PCSK2: variants seen among roughly 807,000 people sequenced by gnomAD.
PCSK2 encodes proprotein convertase subtilisin/kexin type 2.
Under a neutral mutation model 69.7 loss-of-function variants are expected in PCSK2, and 14 were observed. The observed-to-expected ratio is 0.20, with a 90% CI of 0.13 to 0.31. The LOEUF (loss-of-function observed/expected upper bound fraction) is 0.31. Ranked by LOEUF, PCSK2 falls within the 10% of genes least tolerant of loss-of-function variation. The pLI is 1.00. For missense variants in PCSK2, 544 were observed against 842.5 expected, an observed-to-expected ratio of 0.65 and a Z score of 4.39; for synonymous variants, 307 against 320.7, an observed-to-expected ratio of 0.96 and a Z score of 0.46.
intron 2 of PCSK2, among the ~76,000 whole-genome samples, chr20:17,323,980 G>C (rs1468787214): frequency 1.3e-5 from 2 of 152,218 alleles, no homozygotes; most frequent in Non-Finnish European, 1.5e-5. Context: ...CTCCCCACCA[G>C]AGAAGCCCTC....
intron 1 of PCSK2, among the ~76,000 whole-genome samples, chr20:17,248,174 GGGTGTGTGTGT>G: frequency 1.2e-5 from 1 of 83,234 alleles, no homozygotes; most frequent in African/African-American, 4.4e-5. Flanking sequence ...ATATAAAAAA[GGGTGTGTGTGT>G]GTGTGTGTGT....
intron 11 of PCSK2, among the ~76,000 whole-genome samples, chr20:17,468,457 CGTCCTGCTGT>C (rs2033144835): frequency 3.4e-5 from 5 of 146,380 alleles, no homozygotes; most frequent in Admixed American, 6.8e-5. Flanking sequence ...CACGGGCCAG[CGTCCTGCTGT>C]AGACAGGCAG....
At chr20:17,276,913 A>T (rs1988101340) in intron 2 of PCSK2, among the ~76,000 whole-genome samples, 1 of 152,186 alleles carries the variant, frequency 6.6e-6, no homozygotes, top group Admixed American at 6.5e-5. Context: ...AAGCGTTCTT[A>T]TACACCAACA....
At chr20:17,410,079 C>T (rs1052777352) in intron 6 of PCSK2, among the ~76,000 whole-genome samples, 2 of 151,958 alleles carry the variant, frequency 1.3e-5, no homozygotes, top group African/African-American at 2.4e-5. Context: ...AACATATGAA[C>T]TTCAATTAGT....
Position 17,227,086 on chromosome 20 carries a change from C to T in PCSK2, c.-220C>T. On this transcript the variant is annotated 5_prime_UTR_variant, in exon 1 of 12. Coordinates refer to ENST00000262545, the MANE Select transcript of PCSK2 (RefSeq NM_002594.5). Reference sequence around the variant, plus strand: ...CAGCTCCCCACATTCGCACCCCTGCCCGCGCGCCGGGCCGCCTGACTGCAC... The same window carrying T: ...CAGCTCCCCACATTCGCACCCCTGCTCGCGCGCCGGGCCGCCTGACTGCAC... The T allele has an allele frequency of 5.4e-6, 3 of 552,334 alleles. No individual in the cohort carries two copies. The allele number at this position is 552,334 out of a possible 1,614,324, so 34.2% of individuals were successfully genotyped here. A position where few individuals can be genotyped will look rare whatever the true frequency, so the allele number is the denominator to read the frequency against.
chr20:17,263,090 G>C (rs1225792863), intron 2 of PCSK2: 4 of 970,704 alleles, frequency 4.1e-6, no homozygotes, highest in Non-Finnish European at 4.9e-6. Context: ...GTAGCTTTTT[G>C]ACCAAAGAAA....
At chr20:17,238,941 GA>G (rs1007497645) in intron 1 of PCSK2, among the ~76,000 whole-genome samples, 1 of 152,010 alleles carries the variant, frequency 6.6e-6, no homozygotes, top group African/African-American at 2.4e-5. Context: ...TAAATACTGA[GA>G]AAAAAATTTA....
chr20:17,363,953 C>G (rs1402086580), intron 4 of PCSK2, among the ~76,000 whole-genome samples: 2 of 152,104 alleles, frequency 1.3e-5, no homozygotes, highest in African/African-American at 4.8e-5. Context: ...GTACTTGAAA[C>G]CTAATCCTTT....
intron 7 of PCSK2, among the ~76,000 whole-genome samples, chr20:17,431,716 T>C (rs2032370654): frequency 6.6e-6 from 1 of 152,166 alleles, no homozygotes; most frequent in South Asian, 2.1e-4. Flanking sequence ...TCTGGCTCCC[T>C]GGGGCGTCAG....
intron 2 of PCSK2, among the ~76,000 whole-genome samples, chr20:17,333,085 AACTGTGGCTATGT>A (rs1243866364): frequency 3.0e-4 from 46 of 152,266 alleles, no homozygotes; most frequent in African/African-American, 1.0e-3. Flanking sequence ...TTCACAACTG[AACTGTGGCTATGT>A]AAGAGAAAGT....
intron 6 of PCSK2, among the ~76,000 whole-genome samples, chr20:17,428,682 T>C (rs911023281): frequency 4.6e-5 from 7 of 152,076 alleles, no homozygotes; most frequent in East Asian, 1.9e-4. Context: ...TTTGATTCAG[T>C]AGTTGTTCCA....
At position 17,453,739 on chromosome 20, in the gene PCSK2, C is replaced by T. The variant is rs2032869856; in HGVS notation, c.886-3C>T. 1.2e-6 allele frequency: 2 copies of T among 1,612,598 alleles called. No homozygotes were observed. Among genetic ancestry groups the T allele is most frequent in the Non-Finnish European group, 1.7e-6 (2 of 1,179,860 alleles). On this transcript the variant is annotated splice_region_variant and splice_polypyrimidine_tract_variant and intron_variant, in intron 8 of 11. Transcript: ENST00000262545. The surrounding 1 kb of genome is among the most constrained non-coding windows in gnomAD (Gnocchi z 4.0). ...GCGGCAGCGTCTCCCCTGCTCTCCC[C>T]AGGGCCGCGGCGGCAAAGGCAGCAT...
intron 2 of PCSK2, among the ~76,000 whole-genome samples, chr20:17,291,979 T>C (rs1183884693): frequency 6.6e-6 from 1 of 152,140 alleles, no homozygotes; most frequent in Non-Finnish European, 1.5e-5. Context: ...GTGTCTTTCA[T>C]AGGAGTCCAA....
At chr20:17,320,732 T>C (rs1989839253) in intron 2 of PCSK2, among the ~76,000 whole-genome samples, 1 of 152,162 alleles carries the variant, frequency 6.6e-6, no homozygotes, top group African/African-American at 2.4e-5. Flanking sequence ...AGCACATCAC[T>C]CTTCCTTAGG....
chr20:17,240,950 T>C (rs936156488), intron 1 of PCSK2, among the ~76,000 whole-genome samples: 3 of 152,198 alleles, frequency 2.0e-5, no homozygotes, highest in African/African-American at 4.8e-5. Flanking sequence ...CTTTTTGCAA[T>C]AGTTGTTAGG....
intron 2 of PCSK2, among the ~76,000 whole-genome samples, chr20:17,284,067 T>C (rs1471135219): frequency 6.6e-6 from 1 of 152,198 alleles, no homozygotes. Context: ...GGCATTGTTA[T>C]ATCAACTCCA....
chr20:17,323,348 G>C (rs1403397813), intron 2 of PCSK2, among the ~76,000 whole-genome samples: 2 of 152,178 alleles, frequency 1.3e-5, no homozygotes, highest in Non-Finnish European at 2.9e-5. Flanking sequence ...GCCAAGGAGA[G>C]GTGCCTCAGA....
chr20:17,257,239 T>C (rs1166186475), intron 1 of PCSK2, among the ~76,000 whole-genome samples: 1 of 152,122 alleles, frequency 6.6e-6, no homozygotes, highest in Non-Finnish European at 1.5e-5. Context: ...CTCACACCAG[T>C]GAGAACGGTG....
rs1568669457 is a variant in PCSK2 at position 17,482,238 on chromosome 20, A to T, written c.*168A>T. 1 of 593,616 alleles carries T rather than the reference A, an allele frequency of 1.7e-6. No homozygotes were observed. Among genetic ancestry groups the T allele is most frequent in the Non-Finnish European group, 2.8e-6 (1 of 361,810 alleles). The allele number at this position is 593,616 out of a possible 1,614,324, so 36.8% of individuals were successfully genotyped here. On this transcript the variant is annotated 3_prime_UTR_variant, in exon 12 of 12. Coordinates refer to ENST00000262545, the MANE Select transcript of PCSK2 (RefSeq NM_002594.5). Reference sequence around the variant, plus strand: ...TGATTATTTTCATTACAATGGAAACAATCTTTTTTACTCTATGCCCCAAAT... The same window carrying T: ...TGATTATTTTCATTACAATGGAAACTATCTTTTTTACTCTATGCCCCAAAT...
Sources: gnomAD v4.1 joint callset for allele counts (sites outside exome capture counted in the v4.1 genomes callset) on GRCh38, gnomAD v4.1.1 for gene constraint, Gnocchi (gnomAD v3.1) non-coding constraint, MANE v1.5 for transcripts, NCBI Gene and HGNC (gene_info 2026-07-23, HGNC 2026-07-21) for gene names.